Variants in KRABD3 observed in about 807,000 individuals in gnomAD.
The protein encoded by KRABD3 is KRAB domain containing 3.
the KRABD3 span, chr7:149,721,095 G>A: frequency 8.5e-6 from 12 of 1,420,072 alleles, no homozygotes; most frequent in Non-Finnish European, 1.1e-5. Flanking sequence ...GCACAGGCCG[G>A]GAGGCAGAGT....
At chr7:149,728,367 A>C in the KRABD3 span, among the ~76,000 whole-genome samples, 1 of 152,214 alleles carries the variant, frequency 6.6e-6, no homozygotes, top group African/African-American at 2.4e-5. Flanking sequence ...CAGCCAAAGC[A>C]GGGCCGCGCC....
chr7:149,729,194 G>A, the KRABD3 span: 1 of 1,537,486 alleles, frequency 6.5e-7, no homozygotes, highest in East Asian at 2.4e-5. Flanking sequence ...ACAGGACTGA[G>A]GGCTGAGGCC....
At chr7:149,728,937 G>A in the KRABD3 span, among the ~76,000 whole-genome samples, 7 of 152,142 alleles carry the variant, frequency 4.6e-5, no homozygotes, top group South Asian at 2.1e-4. Context: ...TGTCCCGGCC[G>A]TGCCAGCCCC....
chr7:149,724,905 G>T, the KRABD3 span: 13 of 1,423,418 alleles, frequency 9.1e-6, no homozygotes, highest in Non-Finnish European at 1.2e-5. Flanking sequence ...GTCAGTCCCT[G>T]GCAAGGTTCC....
the KRABD3 span, chr7:149,731,665 T>C: frequency 6.2e-7 from 1 of 1,604,788 alleles, no homozygotes; most frequent in South Asian, 1.1e-5. Context: ...CTGTGCTCTT[T>C]CTATAGGTAC....
At chr7:149,715,157 GAT>G in the KRABD3 span, 99 of 1,228,904 alleles carry the variant, frequency 8.1e-5, no homozygotes, top group Non-Finnish European at 9.4e-5. Context: ...GCAACTTCGG[GAT>G]CGGCTGGGTG....
At chr7:149,724,750 G>C in the KRABD3 span, 1 of 1,562,930 alleles carries the variant, frequency 6.4e-7, no homozygotes, top group Non-Finnish European at 8.7e-7. Flanking sequence ...GAGCCCCCCA[G>C]GACCTGCATC....
At chr7:149,727,388 T>G in the KRABD3 span, among the ~76,000 whole-genome samples, 1 of 152,202 alleles carries the variant, frequency 6.6e-6, no homozygotes, top group South Asian at 2.1e-4. Flanking sequence ...TCCCCTATAG[T>G]GCAACTGACT....
chr7:149,717,147 A>G, the KRABD3 span, among the ~76,000 whole-genome samples: 1 of 152,074 alleles, frequency 6.6e-6, no homozygotes, highest in Non-Finnish European at 1.5e-5. Context: ...GTTCTTACCT[A>G]GAGCTCAGAC....
the KRABD3 span, among the ~76,000 whole-genome samples, chr7:149,719,854 G>A: frequency 3.2e-4 from 49 of 152,232 alleles, no homozygotes; most frequent in Middle Eastern, 0.01. This position sits in a 1 kb window ranked among gnomAD's most constrained non-coding sequence, Gnocchi z 5.6. Context: ...GGGGGTATGC[G>A]GCGGCCTCTG....
the KRABD3 span, chr7:149,719,440 C>A: frequency 1.6e-6 from 2 of 1,223,810 alleles, no homozygotes; most frequent in Non-Finnish European, 2.2e-6. This position sits in a 1 kb window ranked among gnomAD's most constrained non-coding sequence, Gnocchi z 5.6. Context: ...GGCTATTATC[C>A]TGGAGTGTGC....
the KRABD3 span, among the ~76,000 whole-genome samples, chr7:149,732,900 A>G: frequency 6.6e-6 from 1 of 152,108 alleles, no homozygotes; most frequent in Admixed American, 6.5e-5. The surrounding 1 kb of genome is among the most constrained non-coding windows in gnomAD (Gnocchi z 4.0). Context: ...GGTCTCATCA[A>G]CAACACAAAG....
At chr7:149,721,380 C>T in the KRABD3 span, 2 of 1,584,662 alleles carry the variant, frequency 1.3e-6, no homozygotes, top group South Asian at 2.3e-5. Context: ...TTCCCGACAG[C>T]AGCTGCGGCA....
the KRABD3 span, chr7:149,725,566 A>G: frequency 7.2e-7 from 1 of 1,395,092 alleles, no homozygotes; most frequent in Non-Finnish European, 9.6e-7. Flanking sequence ...CTGTCGGGTC[A>G]TTGTGTTCCC....
the KRABD3 span, chr7:149,729,209 A>G: frequency 6.4e-7 from 1 of 1,571,110 alleles, no homozygotes; most frequent in Non-Finnish European, 8.6e-7. Flanking sequence ...GAGGCCTGCG[A>G]GTCAGCCCGT....
chr7:149,732,964 C>T, the KRABD3 span, among the ~76,000 whole-genome samples: 539 of 152,304 alleles, frequency 3.5e-3, 1 homozygote, highest in Non-Finnish European at 5.3e-3. The surrounding 1 kb of genome is among the most constrained non-coding windows in gnomAD (Gnocchi z 4.0). Flanking sequence ...GCCTGGTTAC[C>T]ACGGAAACCC....
chr7:149,726,698 A>G, the KRABD3 span, among the ~76,000 whole-genome samples: 2 of 152,144 alleles, frequency 1.3e-5, no homozygotes, highest in South Asian at 4.2e-4. Context: ...TCAGCCTCCC[A>G]AAGTGCTGGG....
the KRABD3 span, chr7:149,725,561 G>A: frequency 2.5e-5 from 35 of 1,410,942 alleles, no homozygotes; most frequent in African/African-American, 2.9e-5. Context: ...GAGGACTGTC[G>A]GGTCATTGTG....
chr7:149,730,310 A>G, the KRABD3 span: 1 of 1,547,690 alleles, frequency 6.5e-7, no homozygotes, highest in Admixed American at 2.0e-5. Flanking sequence ...ACCCGAGGCC[A>G]GAGCCTGATC....
Sources: allele counts gnomAD v4.1 joint callset (sites outside exome capture counted in the v4.1 genomes callset), GRCh38; gene constraint gnomAD v4.1.1; non-coding constraint Gnocchi (gnomAD v3.1); transcripts MANE v1.5; gene names NCBI Gene and HGNC (gene_info 2026-07-23, HGNC 2026-07-21).